ZCCHC24: variants seen among roughly 807,000 people sequenced by gnomAD.
ZCCHC24 encodes zinc finger CCHC domain-containing protein 24.
A neutral mutation model predicts 26.2 loss-of-function variants in ZCCHC24; 10 were observed. The observed-to-expected ratio is 0.38, with a 90% confidence interval of 0.24 to 0.65. ZCCHC24 has a LOEUF of 0.65. ZCCHC24 is among the 30% of genes least tolerant of loss of function. The probability of loss-of-function intolerance (pLI) is 0.54; values close to 1 mark genes in which losing one functional copy is unlikely to be tolerated. For missense variants in ZCCHC24, 243 were observed against 329.1 expected, an observed-to-expected ratio of 0.74 and a Z score of 2.03; for synonymous variants, 144 against 147.1, an observed-to-expected ratio of 0.98 and a Z score of 0.15.
intron 2 of ZCCHC24, among the ~76,000 whole-genome samples, chr10:79,399,413 G>C (rs1290634368): frequency 6.6e-6 from 1 of 152,246 alleles, no homozygotes; most frequent in Non-Finnish European, 1.5e-5. Context: ...CACCCGCCCG[G>C]CTGGGAAGGA....
At chr10:79,402,107 C>A (rs1856641424) in intron 2 of ZCCHC24, among the ~76,000 whole-genome samples, 1 of 152,222 alleles carries the variant, frequency 6.6e-6, no homozygotes, top group Admixed American at 6.5e-5. Context: ...GCCTTGCTGG[C>A]CCTTTCTGGA....
At chr10:79,391,231 G>A (rs989752831) in intron 3 of ZCCHC24, among the ~76,000 whole-genome samples, 45 of 152,282 alleles carry the variant, frequency 3.0e-4, no homozygotes, top group African/African-American at 8.4e-4. Context: ...ATTGGGTCCT[G>A]GGAGAGCTGA....
chr10:79,422,023 C>G (rs1856944121), intron 2 of ZCCHC24, among the ~76,000 whole-genome samples: 1 of 152,162 alleles, frequency 6.6e-6, no homozygotes, highest in African/African-American at 2.4e-5. Flanking sequence ...CTGAACTAAT[C>G]AATGGTGTTA....
intron 1 of ZCCHC24, among the ~76,000 whole-genome samples, chr10:79,433,626 C>T (rs1291021451): frequency 6.6e-6 from 1 of 152,224 alleles, no homozygotes; most frequent in Admixed American, 6.5e-5. Flanking sequence ...GGCGGCCTCC[C>T]CAGGAGGGTC....
At chr10:79,419,799 A>G (rs1417695543) in intron 2 of ZCCHC24, among the ~76,000 whole-genome samples, 1 of 152,070 alleles carries the variant, frequency 6.6e-6, no homozygotes, top group Non-Finnish European at 1.5e-5. Context: ...CAGGTAGTTC[A>G]AGACCAGGAC....
chr10:79,401,024 C>A (rs118005920), intron 2 of ZCCHC24, among the ~76,000 whole-genome samples: 2 of 152,376 alleles, frequency 1.3e-5, no homozygotes, highest in South Asian at 4.1e-4. Context: ...CCCTTTTGCA[C>A]AGAGGTGACA....
chr10:79,418,380 G>C (rs1056569772), intron 2 of ZCCHC24, among the ~76,000 whole-genome samples: 1 of 152,100 alleles, frequency 6.6e-6, no homozygotes, highest in Admixed American at 6.5e-5. Context: ...ATGAGAGCTC[G>C]GGCCTTCTGA....
chr10:79,398,699 G>GA (rs1856581802), intron 2 of ZCCHC24, among the ~76,000 whole-genome samples: 2 of 152,184 alleles, frequency 1.3e-5, no homozygotes, highest in Admixed American at 1.3e-4. Context: ...CAGAAGCTCT[G>GA]GGGACACTGC....
chr10:79,405,668 G>A (rs1263644173), intron 2 of ZCCHC24, among the ~76,000 whole-genome samples: 1 of 152,254 alleles, frequency 6.6e-6, no homozygotes, highest in East Asian at 1.9e-4. Flanking sequence ...TCCCTGGCTG[G>A]AGGGAAGGTG....
chr10:79,443,604 G>A (rs1427152316), intron 1 of ZCCHC24, among the ~76,000 whole-genome samples: 1 of 152,188 alleles, frequency 6.6e-6, no homozygotes, highest in African/African-American at 2.4e-5. Context: ...CCCGGGTCCT[G>A]CCCAGAGCTC....
intron 1 of ZCCHC24, among the ~76,000 whole-genome samples, chr10:79,444,476 C>CG (rs1857332812): frequency 2.6e-5 from 4 of 152,260 alleles, no homozygotes; most frequent in African/African-American, 7.2e-5. Flanking sequence ...ACCTCTCCCC[C>CG]CCCCTTTCTA....
At chr10:79,443,447 C>T (rs1857315622) in intron 1 of ZCCHC24, among the ~76,000 whole-genome samples, 1 of 152,160 alleles carries the variant, frequency 6.6e-6, no homozygotes, top group African/African-American at 2.4e-5. Context: ...CACACTTGAC[C>T]TGTGGGTCAT....
chr10:79,432,987 C>G (rs938018990), intron 1 of ZCCHC24, among the ~76,000 whole-genome samples: 1 of 152,146 alleles, frequency 6.6e-6, no homozygotes, highest in Non-Finnish European at 1.5e-5. Flanking sequence ...ACAGCTCCTC[C>G]TAGGGTTTCT....
In ZCCHC24 at chr10:79,394,763, G is replaced by C. The variant is rs116093508; in HGVS notation, c.448-323C>G. The C allele has an allele frequency of 8.5e-4, 451 of 532,006 alleles. 3 individuals carry two copies. The highest frequency in any genetic ancestry group is 8.2e-3 in the African/African-American group (395 of 48,384). The allele number at this position is 532,006 out of a possible 1,614,324, so 33.0% of individuals were successfully genotyped here. Reference sequence around the variant, plus strand: ...AACTCACACGTCATCAAGGGCAGCTGGTCTCATGGGCCTGCACACAGGCAC... The same window carrying C: ...AACTCACACGTCATCAAGGGCAGCTCGTCTCATGGGCCTGCACACAGGCAC... On this transcript the variant is annotated intron_variant, in intron 2 of 3. Coordinates refer to ENST00000372336, the MANE Select transcript of ZCCHC24 (RefSeq NM_153367.4).
At chr10:79,429,705 A>T (rs1421487145) in intron 2 of ZCCHC24, among the ~76,000 whole-genome samples, 2 of 152,240 alleles carry the variant, frequency 1.3e-5, no homozygotes, top group Non-Finnish European at 2.9e-5. Flanking sequence ...ACTGAATTGT[A>T]CACTTCAAAT....
intron 2 of ZCCHC24, among the ~76,000 whole-genome samples, chr10:79,419,855 C>T (rs1187813399): frequency 2.6e-5 from 4 of 152,070 alleles, no homozygotes; most frequent in Non-Finnish European, 5.9e-5. Flanking sequence ...CCCTAAGGCT[C>T]AGAAGCAGAG....
chr10:79,427,405 C>T (rs945138227), intron 2 of ZCCHC24, among the ~76,000 whole-genome samples: 2 of 152,162 alleles, frequency 1.3e-5, no homozygotes, highest in Non-Finnish European at 2.9e-5. Context: ...CAAGTGCACA[C>T]AAAACATTCT....
intron 2 of ZCCHC24, among the ~76,000 whole-genome samples, chr10:79,426,906 A>G (rs1857035098): frequency 6.6e-6 from 1 of 152,236 alleles, no homozygotes; most frequent in Admixed American, 6.5e-5. Flanking sequence ...TTTTCAGATT[A>G]GACAACAAAA....
At position 79,424,121 on chromosome 10, in the gene ZCCHC24, A is replaced by G. The variant is rs543407541; in HGVS notation, c.447+8437T>C. On this transcript the variant is annotated intron_variant, in intron 2 of 3. Coordinates refer to ENST00000372336, the MANE Select transcript of ZCCHC24 (RefSeq NM_153367.4). ...CTACTAACTCCTGCTACTCCAGGAG[A>G]AGGCAGCCCAGTGCACACTATGAAA... 2.6e-3 allele frequency among the ~76,000 whole-genome samples: 403 copies of G among 152,260 alleles called. 2 individuals are homozygous for G. The highest frequency in any genetic ancestry group is 9.4e-3 in the African/African-American group (389 of 41,552).
Sources: gnomAD v4.1 joint callset for allele counts (sites outside exome capture counted in the v4.1 genomes callset) on GRCh38, gnomAD v4.1.1 for gene constraint, MANE v1.5 for transcripts, NCBI Gene and HGNC (gene_info 2026-07-23, HGNC 2026-07-21) for gene names.